CHRM3: variants seen among roughly 807,000 people sequenced by gnomAD.
CHRM3 encodes muscarinic acetylcholine receptor M3.
CHRM3 carries 11 observed loss-of-function variants against 41.8 expected under a neutral mutation model. The ratio of observed to expected loss-of-function variants is 0.26; its 90% CI spans 0.17 to 0.44. The LOEUF is 0.44. Among genes scored for constraint, CHRM3 ranks in the 20% least tolerant of loss-of-function variants. CHRM3 has a pLI of 1.00. For synonymous variants in CHRM3, 297 were observed against 301.4 expected, an observed-to-expected ratio of 0.99 and a Z score of 0.15; for missense variants, 571 against 745.4, an observed-to-expected ratio of 0.77 and a Z score of 2.72.
intron 5 of CHRM3, among the ~76,000 whole-genome samples, chr1:239,815,617 A>G (rs1356269869): frequency 3.3e-5 from 5 of 152,260 alleles, no homozygotes; most frequent in African/African-American, 1.2e-4. Flanking sequence ...AAGCTTATAG[A>G]CTAAAGCATA....
intron 1 of CHRM3, among the ~76,000 whole-genome samples, chr1:239,453,838 T>G (rs1664736504): frequency 6.6e-6 from 1 of 150,536 alleles, no homozygotes; most frequent in African/African-American, 2.4e-5. Flanking sequence ...GGAGTGAGAG[T>G]AGGTGGGGAA....
At chr1:239,787,340 G>A (rs1208176873) in intron 5 of CHRM3, among the ~76,000 whole-genome samples, 3 of 152,076 alleles carry the variant, frequency 2.0e-5, no homozygotes, top group African/African-American at 7.2e-5. Context: ...TTTGGTTAAA[G>A]CCACCTGCAT....
intron 6 of CHRM3, among the ~76,000 whole-genome samples, chr1:239,855,155 A>G (rs1304301800): frequency 6.6e-6 from 1 of 152,204 alleles, no homozygotes; most frequent in Admixed American, 6.5e-5. Context: ...AATAATGCTG[A>G]CTTCAACAGA....
At chr1:239,894,485 T>C (rs1045826558) in intron 6 of CHRM3, among the ~76,000 whole-genome samples, 2 of 152,144 alleles carry the variant, frequency 1.3e-5, no homozygotes, top group Admixed American at 1.3e-4. Flanking sequence ...CAGGTTGGAG[T>C]GCAGTAGCAC....
At chr1:239,631,402 T>C (rs1669818630) in intron 3 of CHRM3, among the ~76,000 whole-genome samples, 1 of 152,160 alleles carries the variant, frequency 6.6e-6, no homozygotes, top group African/African-American at 2.4e-5. Flanking sequence ...TCTTTTCATT[T>C]GGTGTCACCG....
At chr1:239,485,910 G>A (rs150970987) in intron 1 of CHRM3, among the ~76,000 whole-genome samples, 1 of 152,120 alleles carries the variant, frequency 6.6e-6, no homozygotes, top group African/African-American at 2.4e-5. Context: ...TGGTAGGTAC[G>A]GTCTGTATTG....
At chr1:239,691,100 A>T (rs893885546) in intron 5 of CHRM3, among the ~76,000 whole-genome samples, 3 of 151,996 alleles carry the variant, frequency 2.0e-5, no homozygotes, top group Admixed American at 6.6e-5. Flanking sequence ...TCATGAGCTG[A>T]GCTCTTCCTG....
chr1:239,730,678 C>G (rs1187124766), intron 5 of CHRM3, among the ~76,000 whole-genome samples: 5 of 151,920 alleles, frequency 3.3e-5, no homozygotes, highest in African/African-American at 7.2e-5. Context: ...ACCATGGACG[C>G]TGAGTCTGGA....
At chr1:239,506,893 T>A (rs112352071) in intron 2 of CHRM3, among the ~76,000 whole-genome samples, 261 of 152,196 alleles carry the variant, frequency 1.7e-3, no homozygotes, top group Non-Finnish European at 2.7e-3. Context: ...AGGAGGTCAT[T>A]TTGGAGTTTT....
chr1:239,693,474 C>A (rs911401123), intron 5 of CHRM3, among the ~76,000 whole-genome samples: 3 of 152,138 alleles, frequency 2.0e-5, no homozygotes, highest in Non-Finnish European at 4.4e-5. Context: ...TCTTGAACTT[C>A]CCAGCCTCTA....
chr1:239,480,776 T>C (rs1384504330), intron 1 of CHRM3, among the ~76,000 whole-genome samples: 1 of 152,052 alleles, frequency 6.6e-6, no homozygotes, highest in Non-Finnish European at 1.5e-5. Flanking sequence ...GCCAGGATGG[T>C]CTCGATCTCC....
At chr1:239,600,269 G>A (rs138735911) in intron 3 of CHRM3, among the ~76,000 whole-genome samples, 1 of 152,080 alleles carries the variant, frequency 6.6e-6, no homozygotes, top group African/African-American at 2.4e-5. Context: ...TTAGTCTTGG[G>A]GGGCCATCCC....
At chr1:239,725,714 C>T (rs998079240) in intron 5 of CHRM3, among the ~76,000 whole-genome samples, 8 of 151,844 alleles carry the variant, frequency 5.3e-5, no homozygotes, top group African/African-American at 1.2e-4. Context: ...TCTAGCTAAA[C>T]GCTTTATAAA....
At chr1:239,726,929 A>G in intron 5 of CHRM3, among the ~76,000 whole-genome samples, 1 of 151,948 alleles carries the variant, frequency 6.6e-6, no homozygotes, top group East Asian at 1.9e-4. Flanking sequence ...AATGTTCTGG[A>G]AAGCTACCAT....
At chr1:239,485,149 G>T (rs1458755995) in intron 1 of CHRM3, among the ~76,000 whole-genome samples, 1 of 152,050 alleles carries the variant, frequency 6.6e-6, no homozygotes, top group East Asian at 1.9e-4. Flanking sequence ...ATGATAAATT[G>T]CAAATGACAC....
At position 239,805,424 on chromosome 1, in the gene CHRM3, T is replaced by C. The variant is rs150681250; in HGVS notation, c.-146-21828T>C. On this transcript the variant is annotated intron_variant, in intron 5 of 6. Transcript: ENST00000676153. ...CTGCAGGTCTATCAGCAAGTACCTA[T>C]TGAGAATTTATCTGAAGAAGCTTAT... 1.2e-4 allele frequency among the ~76,000 whole-genome samples: 19 copies of C among 152,290 alleles called. No individual in the cohort carries two copies. In the East Asian group the frequency reaches 3.3e-3, roughly 26 times the overall value.
chr1:239,490,901 G>A (rs976022812), intron 1 of CHRM3, among the ~76,000 whole-genome samples: 1 of 151,898 alleles, frequency 6.6e-6, no homozygotes, highest in Admixed American at 6.6e-5. Flanking sequence ...CCACCATTCT[G>A]GGCTAATTAT....
At chr1:239,811,310 G>A (rs575203966) in intron 5 of CHRM3, among the ~76,000 whole-genome samples, 3 of 152,258 alleles carry the variant, frequency 2.0e-5, no homozygotes, top group South Asian at 4.1e-4. Context: ...CATGCTAACC[G>A]CAAGACCCAT....
chr1:239,399,884 A>G (rs1659819040), intron 1 of CHRM3, among the ~76,000 whole-genome samples: 1 of 151,954 alleles, frequency 6.6e-6, no homozygotes, highest in African/African-American at 2.4e-5. Context: ...GCTGGGTCCT[A>G]TGGTAGTTTT....
Sources: allele counts gnomAD v4.1 joint callset (sites outside exome capture counted in the v4.1 genomes callset), GRCh38; gene constraint gnomAD v4.1.1; transcripts MANE v1.5; gene names NCBI Gene and HGNC (gene_info 2026-07-23, HGNC 2026-07-21).